Variants in PCDH15 observed in about 807,000 individuals in gnomAD.
PCDH15 encodes the protein protocadherin-15.
In PCDH15, 129 loss-of-function variants were observed where a neutral mutation model predicts 178.5. The ratio of observed to expected loss-of-function variants is 0.72; its 90% CI spans 0.63 to 0.84. PCDH15 has a LOEUF of 0.84. PCDH15 is among the 40% of genes least tolerant of loss of function. PCDH15 has a pLI of 0.00. For missense variants in PCDH15, 2,230 were observed against 2,099.9 expected (o/e 1.06, Z -1.21); for synonymous variants, 800 against 732.0 (o/e 1.09, Z -1.50).
intron 2 of PCDH15, among the ~76,000 whole-genome samples, chr10:55,011,202 A>G (rs1236464834): frequency 6.6e-6 from 1 of 152,100 alleles, no homozygotes; most frequent in Non-Finnish European, 1.5e-5. Context: ...ACACATACTG[A>G]AAAAATCGTT....
intron 15 of PCDH15, among the ~76,000 whole-genome samples, chr10:54,093,113 T>G (rs1473355248): frequency 6.6e-6 from 1 of 152,106 alleles, no homozygotes; most frequent in African/African-American, 2.4e-5. Context: ...GTTAATTCCT[T>G]TCAATCCCAG....
At position 54,963,255 on chromosome 10, in the gene PCDH15, T is replaced by G. The variant is rs202119983; in HGVS notation, c.-79-65755A>C. 2.6e-5 allele frequency among the ~76,000 whole-genome samples: 4 copies of G among 152,120 alleles called. No homozygotes were observed. The South Asian group carries it at 8.3e-4, about 31-fold the overall frequency. On this transcript the variant is annotated intron_variant, in intron 2 of 5. Coordinates refer to the PCDH15 transcript ENST00000458638. ...TTCTAGTCTTCAGTTCCACTGGCTG[T>G]AGGTAATAAAGGCAATTCTTCCTGG...
At chr10:55,359,262 G>T (rs769287479) in intron 2 of PCDH15, among the ~76,000 whole-genome samples, 1 of 151,530 alleles carries the variant, frequency 6.6e-6, no homozygotes, top group Non-Finnish European at 1.5e-5. Flanking sequence ...ATCCCCTTGT[G>T]AATAGTCAAT....
chr10:55,354,935 C>A (rs1845038623), intron 2 of PCDH15, among the ~76,000 whole-genome samples: 1 of 151,924 alleles, frequency 6.6e-6, no homozygotes, highest in South Asian at 2.1e-4. Context: ...ACTCTGGCAA[C>A]CACTGGGATA....
At chr10:55,622,453 CAT>C (rs1006891002) in intron 2 of PCDH15, among the ~76,000 whole-genome samples, 1 of 151,710 alleles carries the variant, frequency 6.6e-6, no homozygotes, top group East Asian at 1.9e-4. Context: ...AATGAAAAAA[CAT>C]AGTTATATAA....
intron 2 of PCDH15, among the ~76,000 whole-genome samples, chr10:54,957,780 A>AC (rs1158211482): frequency 1.3e-5 from 2 of 151,736 alleles, no homozygotes; most frequent in African/African-American, 4.8e-5. Context: ...GAAACTTATA[A>AC]TTGATATAGG....
At chr10:54,678,377 G>GT (rs1333083106) in intron 1 of PCDH15, among the ~76,000 whole-genome samples, 2 of 152,036 alleles carry the variant, frequency 1.3e-5, no homozygotes, top group African/African-American at 4.8e-5. Flanking sequence ...ATTTATTTAT[G>GT]TTTTTTGTAC....
At chr10:54,929,693 T>TCACAA (rs761510534) in intron 2 of PCDH15, among the ~76,000 whole-genome samples, 1 of 152,160 alleles carries the variant, frequency 6.6e-6, no homozygotes, top group African/African-American at 2.4e-5. Context: ...AAAGGAAATT[T>TCACAA]CACAAACAAG....
At chr10:55,041,311 T>C (rs1840858949) in intron 2 of PCDH15, among the ~76,000 whole-genome samples, 1 of 152,236 alleles carries the variant, frequency 6.6e-6, no homozygotes, top group African/African-American at 2.4e-5. Context: ...AGAAAAGTTG[T>C]AGTGACAAAA....
chr10:55,409,191 A>C (rs1418435402), intron 2 of PCDH15, among the ~76,000 whole-genome samples: 4 of 152,006 alleles, frequency 2.6e-5, no homozygotes. Flanking sequence ...GCCCACTCAC[A>C]TCTCTATGTG....
chr10:55,595,772 G>A (rs1338845515), intron 2 of PCDH15, among the ~76,000 whole-genome samples: 1 of 151,990 alleles, frequency 6.6e-6, no homozygotes, highest in African/African-American at 2.4e-5. Flanking sequence ...ATTAGAGTAT[G>A]CTAGTGCTCA....
intron 2 of PCDH15, among the ~76,000 whole-genome samples, chr10:55,120,337 C>G (rs1023806013): frequency 6.6e-6 from 1 of 152,060 alleles, no homozygotes; most frequent in Non-Finnish European, 1.5e-5. Flanking sequence ...AGTAAATAAA[C>G]CTATTGCATT....
chr10:54,080,412 A>T (rs2094418899), intron 16 of PCDH15, among the ~76,000 whole-genome samples: 1 of 152,138 alleles, frequency 6.6e-6, no homozygotes, highest in Non-Finnish European at 1.5e-5. Flanking sequence ...TTTACATCTG[A>T]TATTGTACAC....
chr10:55,073,705 A>C (rs1564773092), intron 2 of PCDH15, among the ~76,000 whole-genome samples: 1 of 152,106 alleles, frequency 6.6e-6, no homozygotes, highest in Non-Finnish European at 1.5e-5. Flanking sequence ...TTTTTATAAT[A>C]CTTTGAGAAG....
chr10:55,243,702 TC>T (rs1053118538), intron 1 of PCDH15, among the ~76,000 whole-genome samples: 4 of 152,192 alleles, frequency 2.6e-5, no homozygotes, highest in African/African-American at 9.6e-5. Flanking sequence ...TAATCAACAT[TC>T]TGGCTTTAAA....
chr10:55,032,481 T>C (rs949678029), intron 2 of PCDH15, among the ~76,000 whole-genome samples: 3 of 152,184 alleles, frequency 2.0e-5, no homozygotes, highest in Non-Finnish European at 4.4e-5. Context: ...GCTAAGCTTG[T>C]GGGAGTTATT....
rs116547043 is a variant in PCDH15, at chr10:54,547,637, T to C, written c.92-19760A>G. ...CCTTTAGGGAAATAATGCTGTAAAGTATTCCATTATATAACTGGATCACAC... is the reference window on the plus strand; with the variant it reads ...CCTTTAGGGAAATAATGCTGTAAAGCATTCCATTATATAACTGGATCACAC... On this transcript the variant is annotated intron_variant, in intron 2 of 37. Coordinates refer to ENST00000644397, the MANE Select transcript of PCDH15 (RefSeq NM_001384140.1). 1.1e-3 allele frequency among the ~76,000 whole-genome samples: 168 copies of C among 152,290 alleles called. 2 individuals carry two copies. Among genetic ancestry groups the C allele is most frequent in the African/African-American group, 4.0e-3 (166 of 41,572 alleles).
At chr10:54,354,679 T>A (rs1461720830) in intron 5 of PCDH15, among the ~76,000 whole-genome samples, 4 of 152,208 alleles carry the variant, frequency 2.6e-5, no homozygotes, top group Admixed American at 2.6e-4. Flanking sequence ...AACCATAATT[T>A]ATTTCATATT....
intron 2 of PCDH15, among the ~76,000 whole-genome samples, chr10:55,385,668 A>G (rs1246328616): frequency 6.9e-6 from 1 of 143,948 alleles, no homozygotes; most frequent in Non-Finnish European, 1.5e-5. Flanking sequence ...CTGCCTGTCT[A>G]GCCCACTCTA....
Sources: allele counts gnomAD v4.1 joint callset (sites outside exome capture counted in the v4.1 genomes callset), GRCh38; gene constraint gnomAD v4.1.1; transcripts MANE v1.5; gene names NCBI Gene and HGNC (gene_info 2026-07-23, HGNC 2026-07-21).